ANGPTL5: variants seen among roughly 807,000 people sequenced by gnomAD.
ANGPTL5 encodes angiopoietin-related protein 5.
In ANGPTL5, 34 loss-of-function variants were observed where a neutral mutation model predicts 39.4. That is an observed-to-expected ratio of 0.86 (90% CI 0.66 to 1.15). ANGPTL5 has a LOEUF of 1.15. Among genes scored for constraint, ANGPTL5 ranks in the 50% most tolerant of loss-of-function variants. The pLI is 0.00. For missense variants in ANGPTL5, 467 were observed against 457.5 expected, an observed-to-expected ratio of 1.02 and a Z score of -0.19; for synonymous variants, 146 against 152.1, an observed-to-expected ratio of 0.96 and a Z score of 0.29.
At chr11:101,908,600 G>A (rs990909821) in intron 1 of ANGPTL5, among the ~76,000 whole-genome samples, 2 of 151,962 alleles carry the variant, frequency 1.3e-5, no homozygotes, top group Admixed American at 6.6e-5. Context: ...TCAACATGGC[G>A]AAACCTCGTC....
In ANGPTL5 at chr11:101,891,450, G is replaced by C. The variant is rs754448214; in HGVS notation, c.996C>G (p.Gly332=). 1 of 1,614,056 alleles carries C rather than the reference G, an allele frequency of 6.2e-7. No homozygotes were observed. The highest frequency in any genetic ancestry group is 1.3e-5 in the African/African-American group (1 of 75,002). ...CTAGACCACACTCGTTAAACCACCAGCCGGTCTTGTTATGGAGGTGACTGC... is the reference window on the plus strand; with the variant it reads ...CTAGACCACACTCGTTAAACCACCACCCGGTCTTGTTATGGAGGTGACTGC... ...KSCSHLHNKT[G]WWFNECGLAN... is the part of the protein sequence containing the mutation. Residue 332 remains glycine, a synonymous_variant, in exon 9 of 9, where the codon GGC becomes GGG. Transcript: ENST00000334289.
chr11:101,903,482 C>T (rs1939944178), intron 5 of ANGPTL5, among the ~76,000 whole-genome samples: 1 of 152,138 alleles, frequency 6.6e-6, no homozygotes, highest in Non-Finnish European at 1.5e-5. Flanking sequence ...AGTTCTACTC[C>T]TAACACTTTA....
chr11:101,895,225 T>C (rs1939771633), intron 7 of ANGPTL5, among the ~76,000 whole-genome samples, 161 bp from the exon 8 acceptor site: 1 of 152,208 alleles, frequency 6.6e-6, no homozygotes, highest in South Asian at 2.1e-4. Context: ...AGTGCTTACC[T>C]ACTTCATAAA....
chr11:101,895,152 C>A (rs1016189680), intron 7 of ANGPTL5, 88 bp from the exon 8 acceptor site: 2 of 1,163,134 alleles, frequency 1.7e-6, no homozygotes, highest in Non-Finnish European at 1.2e-6. Context: ...TTTAGCATTT[C>A]AAAAACTCTG....
chr11:101,910,334 C>T (rs546823638), intron 1 of ANGPTL5, among the ~76,000 whole-genome samples: 3 of 150,240 alleles, frequency 2.0e-5, no homozygotes, highest in South Asian at 2.1e-4. Flanking sequence ...TGCTTGAACC[C>T]GGGAGGTAGA....
In ANGPTL5 at chr11:101,907,787, CTAATA is replaced by C. The variant is rs767796607; in HGVS notation, c.96+22_96+26del. 6 of 1,444,922 alleles carry C rather than the reference CTAATA, an allele frequency of 4.2e-6. No homozygotes were observed. The South Asian group carries it at 6.9e-5, about 17-fold the overall frequency. The allele number at this position is 1,444,922 out of a possible 1,614,324, so 89.5% of individuals were successfully genotyped here. A position where few individuals can be genotyped will look rare whatever the true frequency, so the allele number is the denominator to read the frequency against. ...TTGAAAGCTAATCATGCTTTCCTAG[CTAATA>C]TAATATTGCTAAAATTCTTACCGTA... is the stretch of plus-strand genomic sequence containing the variant. On this transcript the variant is annotated intron_variant, in intron 2 of 8. Coordinates refer to ENST00000334289, the MANE Select transcript of ANGPTL5 (RefSeq NM_178127.5).
chr11:101,905,975 T>C (rs1463865447), intron 3 of ANGPTL5, 128 bp from the exon 4 acceptor site: 2 of 638,398 alleles, frequency 3.1e-6, no homozygotes, highest in East Asian at 5.5e-5. Context: ...TTTATCTTAA[T>C]ACTCAGAATT....
chr11:101,894,040 A>G (rs1939749291), intron 8 of ANGPTL5, among the ~76,000 whole-genome samples: 1 of 152,240 alleles, frequency 6.6e-6, no homozygotes, highest in African/African-American at 2.4e-5. Context: ...TGAATCTAAC[A>G]TTAACAGCTT....
chr11:101,911,645 A>T (rs957112379), intron 1 of ANGPTL5, among the ~76,000 whole-genome samples: 1 of 152,078 alleles, frequency 6.6e-6, no homozygotes, highest in Non-Finnish European at 1.5e-5. Flanking sequence ...TTTTCCTTCT[A>T]CCATGAGTAA....
At chr11:101,894,573 C>A (rs887701244) in intron 8 of ANGPTL5, among the ~76,000 whole-genome samples, 9 of 152,154 alleles carry the variant, frequency 5.9e-5, no homozygotes, top group Middle Eastern at 3.2e-3. Flanking sequence ...AAATGTCAGC[C>A]TCTCTGAACA....
chr11:101,901,999 C>G lies in ANGPTL5; in HGVS notation c.540+622G>C, dbSNP rs1477182667. ...CACACATATATATTCCATCAATATGCATAGTCTCTAGTAGAAATTTCTACT... is the reference window on the plus strand; with the variant it reads ...CACACATATATATTCCATCAATATGGATAGTCTCTAGTAGAAATTTCTACT... On this transcript the variant is annotated intron_variant, in intron 6 of 8. Coordinates refer to ENST00000334289, the MANE Select transcript of ANGPTL5 (RefSeq NM_178127.5). Among the ~76,000 whole-genome samples, 3 of 151,684 alleles carry G rather than the reference C, an allele frequency of 2.0e-5. No individual in the cohort carries two copies. The East Asian group carries it at 5.8e-4, about 29-fold the overall frequency.
At chr11:101,915,459 G>A in intron 1 of ANGPTL5, 1 of 1,571,918 alleles carries the variant, frequency 6.4e-7, no homozygotes, top group Non-Finnish European at 8.7e-7. Context: ...GTTGAAAACG[G>A]GGCCCATCTT....
In ANGPTL5 at chr11:101,895,732, T is replaced by C. The variant is rs540373422; in HGVS notation, c.662-668A>G. Reference sequence around the variant, plus strand: ...ATAAAACTCCCCAACTCGGACTGCATACTTCTTGCATACATATTCTAGCCA... The same window carrying C: ...ATAAAACTCCCCAACTCGGACTGCACACTTCTTGCATACATATTCTAGCCA... On this transcript the variant is annotated intron_variant, in intron 7 of 8. Coordinates refer to ENST00000334289, the MANE Select transcript of ANGPTL5 (RefSeq NM_178127.5). Among the ~76,000 whole-genome samples, 9 of 152,272 alleles carry C rather than the reference T, an allele frequency of 5.9e-5. No individual in the cohort carries two copies. In the South Asian group the frequency reaches 1.9e-3, roughly 32 times the overall value.
chr11:101,898,084 A>G (rs998825637), intron 7 of ANGPTL5, among the ~76,000 whole-genome samples: 28 of 152,050 alleles, frequency 1.8e-4, no homozygotes, highest in Non-Finnish European at 4.1e-4. Context: ...TTAGCTGGGC[A>G]TGGAGGCAGG....
Position 101,890,958 on chromosome 11 carries a change from T to G in ANGPTL5, c.*321A>C. The G allele has an allele frequency of 4.9e-6, 1 of 205,722 alleles. No individual in the cohort carries two copies. The highest frequency in any genetic ancestry group is 8.9e-5 in the South Asian group (1 of 11,174). The allele number at this position is 205,722 out of a possible 1,614,324, so 12.7% of individuals were successfully genotyped here. ...ATTCCCTTCAATTTTCCTTACAACA[T>G]ATTATGGTTTAAAAATGCTTCAAAG... On this transcript the variant is annotated 3_prime_UTR_variant, in exon 9 of 9. Coordinates refer to ENST00000334289, the MANE Select transcript of ANGPTL5 (RefSeq NM_178127.5).
At chr11:101,893,179 C>A (rs1255604578) in intron 8 of ANGPTL5, among the ~76,000 whole-genome samples, 1 of 152,124 alleles carries the variant, frequency 6.6e-6, no homozygotes, top group African/African-American at 2.4e-5. Flanking sequence ...TTAAAAATAG[C>A]CTATTATAAT....
intron 8 of ANGPTL5, among the ~76,000 whole-genome samples, chr11:101,894,422 CTTG>C (rs1241775354): frequency 2.0e-5 from 3 of 152,182 alleles, no homozygotes; most frequent in East Asian, 1.9e-4. Flanking sequence ...AAACACTAAA[CTTG>C]TTGTTCTGTC....
intron 6 of ANGPTL5, among the ~76,000 whole-genome samples, chr11:101,900,827 T>C (rs976312750): frequency 2.6e-5 from 4 of 152,088 alleles, no homozygotes; most frequent in Non-Finnish European, 5.9e-5. Context: ...CAATCATTTT[T>C]AAAAATATGT....
intron 1 of ANGPTL5, among the ~76,000 whole-genome samples, chr11:101,908,542 G>A (rs1219384652): frequency 2.0e-5 from 3 of 152,144 alleles, no homozygotes; most frequent in Non-Finnish European, 2.9e-5. Context: ...ACTTTGGGAG[G>A]CTGAGGTAGG....
Sources: allele counts gnomAD v4.1 joint callset (sites outside exome capture counted in the v4.1 genomes callset), GRCh38; gene constraint gnomAD v4.1.1; transcripts MANE v1.5; gene names NCBI Gene and HGNC (gene_info 2026-07-23, HGNC 2026-07-21).